ATP2C1: variants seen among roughly 807,000 people sequenced by gnomAD.
ATP2C1 encodes calcium-transporting ATPase type 2C member 1.
Under a neutral mutation model 120.5 loss-of-function variants are expected in ATP2C1, and 31 were observed. The observed-to-expected ratio is 0.26, with a 90% CI of 0.19 to 0.35. The LOEUF is 0.35. Ranked by LOEUF, ATP2C1 falls within the 10% of genes least tolerant of loss-of-function variation. The pLI is 1.00. For missense variants in ATP2C1, 731 were observed against 1,107.5 expected (o/e 0.66, Z 4.83); for synonymous variants, 351 against 358.7 (o/e 0.98, Z 0.24).
At chr3:131,001,104 GA>G (rs11403338) in intron 27 of ATP2C1, 115 bp from the exon 28 acceptor site, 8,488 of 337,436 alleles carry the variant, frequency 0.025, no homozygotes, top group East Asian at 0.06. Context: ...CTTCATCTCA[GA>G]AAAAAAAAAA....
In ATP2C1 at chr3:130,943,506, C is replaced by T. The variant is rs192946616; in HGVS notation, c.531+1807C>T. Among the ~76,000 whole-genome samples the T allele has an allele frequency of 5.2e-3, 786 of 152,194 alleles. 5 individuals are homozygous for T. The highest frequency in any genetic ancestry group is 0.024 in the Middle Eastern group (7 of 294). Reference sequence around the variant, plus strand: ...TGCTGGGATTATAGTCGTGAGCCACCGCTCCTGGCCGACATTGTGAATTTA... The same window carrying T: ...TGCTGGGATTATAGTCGTGAGCCACTGCTCCTGGCCGACATTGTGAATTTA... On this transcript the variant is annotated intron_variant, in intron 8 of 27. Transcript: ENST00000510168.
intron 2 of ATP2C1, among the ~76,000 whole-genome samples, chr3:130,926,999 G>GT (rs2059239097): frequency 6.6e-6 from 1 of 152,190 alleles, no homozygotes; most frequent in African/African-American, 2.4e-5. Flanking sequence ...TCTTCAGTCT[G>GT]TAGCAGAAGT....
upstream of ATP2C1, among the ~76,000 whole-genome samples, chr3:130,892,004 A>C (rs1299183272): frequency 1.3e-5 from 2 of 152,094 alleles, no homozygotes; most frequent in Non-Finnish European, 2.9e-5. Context: ...TTTTTGGCTT[A>C]GTAATAGGAA....
chr3:130,941,223 A>AGTGTGT lies in ATP2C1; in HGVS notation c.423-331_423-326dup, dbSNP rs71774561. Reference sequence around the variant, plus strand: ...GCCACCGCGCCCGGCTGTATTTAACAGTGTGTGTGTGTGTGTGTGTGTGTG... The same window carrying AGTGTGT: ...GCCACCGCGCCCGGCTGTATTTAACAGTGTGTGTGTGTGTGTGTGTGTGTGTGTGTG... On this transcript the variant is annotated intron_variant, in intron 7 of 27. Transcript: ENST00000510168. Among the ~76,000 whole-genome samples, 583 of 144,392 alleles carry AGTGTGT rather than the reference A, an allele frequency of 4.0e-3. 12 individuals are homozygous for AGTGTGT. Among genetic ancestry groups the AGTGTGT allele is most frequent in the African/African-American group, 0.014 (522 of 38,488 alleles). The allele number at this position is 144,392 out of a possible 152,430, so 94.7% of individuals were successfully genotyped here.
intron 20 of ATP2C1, among the ~76,000 whole-genome samples, chr3:130,983,159 C>A (rs1383072413): frequency 6.6e-6 from 1 of 152,072 alleles, no homozygotes; most frequent in Non-Finnish European, 1.5e-5. Context: ...AGCTTCTATT[C>A]TTTTTACTAC....
At chr3:130,946,643 A>T (rs2060167779) in intron 8 of ATP2C1, among the ~76,000 whole-genome samples, 1 of 152,224 alleles carries the variant, frequency 6.6e-6, no homozygotes. Flanking sequence ...TGTGTCAAGC[A>T]TTCTGATTTC....
Position 130,894,493 on chromosome 3 carries a change from C to T in ATP2C1, c.-180-97C>T, listed in dbSNP as rs1200522182. 10 of 1,375,548 alleles carry T rather than the reference C, an allele frequency of 7.3e-6. No homozygotes were observed. In the Admixed American group the frequency reaches 1.8e-4, roughly 25 times the overall value. 85.2% of individuals were successfully genotyped at this position (1,375,548 alleles called of 1,614,324 possible). A position where few individuals can be genotyped will look rare whatever the true frequency, so the allele number is the denominator to read the frequency against. On this transcript the variant is annotated intron_variant, in intron 1 of 27. Coordinates refer to ENST00000510168, the MANE Select transcript of ATP2C1 (RefSeq NM_001378687.1). This position sits in a 1 kb window ranked among gnomAD's most constrained non-coding sequence, Gnocchi z 4.5. ...TTGCGGGCACACGACGGGGCGGGTG[C>T]GGGATCTTGGGGAGGGGGGCTCCCG... is the stretch of plus-strand genomic sequence containing the variant.
intron 20 of ATP2C1, among the ~76,000 whole-genome samples, chr3:130,986,464 T>C (rs1428448111): frequency 6.6e-6 from 1 of 152,160 alleles, no homozygotes; most frequent in African/African-American, 2.4e-5. Flanking sequence ...CAAAGATAGT[T>C]AGGGAAGAAA....
At chr3:130,992,892 G>T in intron 20 of ATP2C1, 59 bp from the exon 21 acceptor site, 1 of 1,365,240 alleles carries the variant, frequency 7.3e-7, no homozygotes, top group South Asian at 1.2e-5. Context: ...ATGAATGCAT[G>T]GGTTATTCTG....
intron 17 of ATP2C1, among the ~76,000 whole-genome samples, chr3:130,974,968 G>A (rs1430224126): frequency 6.6e-6 from 1 of 152,136 alleles, no homozygotes; most frequent in Non-Finnish European, 1.5e-5. Flanking sequence ...TGGTGTTTTA[G>A]GTAGATAGAT....
At chr3:130,956,021 C>G in intron 10 of ATP2C1, 83 bp from the exon 11 acceptor site, 1 of 911,418 alleles carries the variant, frequency 1.1e-6, no homozygotes, top group Non-Finnish European at 1.8e-6. Flanking sequence ...ATTGCTTTGT[C>G]AAGCACTTAG....
intron 1 of ATP2C1, among the ~76,000 whole-genome samples, chr3:130,853,423 A>G (rs2067738702): frequency 6.6e-6 from 1 of 152,192 alleles, no homozygotes. Context: ...GCCACTTAAA[A>G]TCTTCTCCCA....
intron 1 of ATP2C1, among the ~76,000 whole-genome samples, chr3:130,861,082 A>G (rs1345960717): frequency 6.6e-6 from 1 of 152,194 alleles, no homozygotes; most frequent in African/African-American, 2.4e-5. Context: ...CCAGCCTGAC[A>G]ACATGGTGAA....
At chr3:130,862,034 C>T (rs1480956428) in intron 1 of ATP2C1, among the ~76,000 whole-genome samples, 5 of 151,998 alleles carry the variant, frequency 3.3e-5, no homozygotes, top group East Asian at 3.9e-4. Context: ...AGTGCAGTGG[C>T]GCCATCTTGG....
chr3:130,884,733 C>T (rs1000927207), intron 1 of ATP2C1, among the ~76,000 whole-genome samples: 1 of 152,052 alleles, frequency 6.6e-6, no homozygotes, highest in Non-Finnish European at 1.5e-5. Context: ...GCTGAATTGA[C>T]CTCTTTATCA....
In ATP2C1 at chr3:131,002,226, C is replaced by T; in HGVS notation, c.*876C>T. The T allele has an allele frequency of 1.0e-6, 1 of 965,616 alleles. No individual in the cohort carries two copies. The allele number at this position is 965,616 out of a possible 1,614,324, so 59.8% of individuals were successfully genotyped here. On this transcript the variant is annotated 3_prime_UTR_variant, in exon 28 of 28. Transcript: ENST00000510168. ...ACTTTGTCAAATATCATTTTGTCATCCTCTAAATATAAATCCAAATACCTC... is the reference window on the plus strand; with the variant it reads ...ACTTTGTCAAATATCATTTTGTCATTCTCTAAATATAAATCCAAATACCTC...
intron 3 of ATP2C1, 101 bp downstream of exon 3, chr3:130,930,627 A>G: frequency 1.2e-6 from 1 of 816,002 alleles, no homozygotes; most frequent in Non-Finnish European, 2.1e-6. Context: ...AGTGATAGAA[A>G]TATTCTGTTC....
At chr3:130,915,967 T>C (rs1248438966) in intron 2 of ATP2C1, among the ~76,000 whole-genome samples, 1 of 152,220 alleles carries the variant, frequency 6.6e-6, no homozygotes, top group Non-Finnish European at 1.5e-5. Flanking sequence ...GCCATCCTTA[T>C]ATGTGAAGGG....
At chr3:130,934,840 A>C (rs2108384937) in intron 5 of ATP2C1, 129 bp downstream of exon 5, 1 of 703,866 alleles carries the variant, frequency 1.4e-6, no homozygotes. Flanking sequence ...CTTTTATTTT[A>C]TTCTTTTTGT....
Sources: allele counts gnomAD v4.1 joint callset (sites outside exome capture counted in the v4.1 genomes callset), GRCh38; gene constraint gnomAD v4.1.1; non-coding constraint Gnocchi (gnomAD v3.1); transcripts MANE v1.5; gene names NCBI Gene and HGNC (gene_info 2026-07-23, HGNC 2026-07-21).